Variants in FOXN3 observed in about 807,000 individuals in gnomAD.
The protein encoded by FOXN3 is forkhead box protein N3.
In FOXN3, 7 loss-of-function variants were observed where a neutral mutation model predicts 38.4. That is an observed-to-expected ratio of 0.18 (90% CI 0.10 to 0.34). FOXN3 has a LOEUF of 0.34. Among genes scored for constraint, FOXN3 ranks in the 10% least tolerant of loss-of-function variants. FOXN3 has a pLI of 1.00. For missense variants in FOXN3, 456 were observed against 613.4 expected (o/e 0.74, Z 2.71); for synonymous variants, 230 against 242.2 (o/e 0.95, Z 0.47).
At chr14:89,571,083 T>C (rs778467755) in intron 1 of FOXN3, among the ~76,000 whole-genome samples, 4 of 152,186 alleles carry the variant, frequency 2.6e-5, no homozygotes, top group Admixed American at 6.5e-5. Flanking sequence ...CAAACTTTTG[T>C]TCAAAACCTA....
At chr14:89,256,349 G>C (rs1449776847) in intron 4 of FOXN3, among the ~76,000 whole-genome samples, 1 of 152,188 alleles carries the variant, frequency 6.6e-6, no homozygotes, top group African/African-American at 2.4e-5. Flanking sequence ...GTTAGGCTTG[G>C]ACAGATGATT....
chr14:89,326,522 G>A (rs895978224), intron 3 of FOXN3, among the ~76,000 whole-genome samples: 3 of 152,136 alleles, frequency 2.0e-5, no homozygotes, highest in Admixed American at 1.3e-4. Flanking sequence ...ACTCACAGGC[G>A]CACTGGACTT....
intron 1 of FOXN3, among the ~76,000 whole-genome samples, chr14:89,415,750 T>C (rs1229063514): frequency 2.0e-5 from 3 of 151,516 alleles, no homozygotes; most frequent in African/African-American, 4.9e-5. Flanking sequence ...ATCATGTGAG[T>C]TGCAGTTAAG....
rs898690627 is a variant in FOXN3 at position 89,491,892 on chromosome 14, G to A, written c.-14-79402C>T. 6.6e-5 allele frequency among the ~76,000 whole-genome samples: 10 copies of A among 152,146 alleles called. No individual in the cohort carries two copies. In the East Asian group the frequency reaches 1.9e-3, roughly 29 times the overall value. The stretch of plus-strand genomic sequence containing the variant: ...CCAAGATTTCACATTCCAATGACGA[G>A]TTCAGCCTAGCGCTTTACATTTAGG... On this transcript the variant is annotated intron_variant, in intron 1 of 6. Transcript: ENST00000345097.
At chr14:89,441,931 T>A (rs1280384009) in intron 1 of FOXN3, among the ~76,000 whole-genome samples, 6 of 149,178 alleles carry the variant, frequency 4.0e-5, no homozygotes, top group Admixed American at 1.3e-4. Flanking sequence ...ACTTTTTTTT[T>A]TTTTTTTTTT....
chr14:89,613,077 A>G lies in FOXN3; in HGVS notation c.-15+5951T>C, dbSNP rs1896424120. ...GGTTGCAGTCAGCCGAGATCGCGCC[A>G]TTGCAGTCCTGCCTGGGCGACAGAG... On this transcript the variant is annotated intron_variant, in intron 1 of 6. Transcript: ENST00000345097. Among the ~76,000 whole-genome samples the G allele has an allele frequency of 1.5e-5, 2 of 130,434 alleles. 1 individual carries two copies. The highest frequency in any genetic ancestry group is 4.8e-4 in the East Asian group (2 of 4,152). The allele number at this position is 130,434 out of a possible 152,430, so 85.6% of individuals were successfully genotyped here.
chr14:89,411,938 C>A lies in FOXN3; in HGVS notation c.539G>T (p.Ser180Ile). The A allele has an allele frequency of 1.4e-6, 2 of 1,466,710 alleles. No homozygotes were observed. The highest frequency in any genetic ancestry group is 1.5e-5 in the South Asian group (1 of 64,886). 90.9% of individuals were successfully genotyped at this position (1,466,710 alleles called of 1,614,324 possible). A position where few individuals can be genotyped will look rare whatever the true frequency, so the allele number is the denominator to read the frequency against. The part of the protein sequence containing the change: ...KCFKKVDKER[S>I]QSIGKGSLWC... Reference sequence around the variant, plus strand: ...GTTCCAGACACAGAGGCTTACCTGACTCCTCTCTTTGTCCACTTTCTTAAA... The same window carrying A: ...GTTCCAGACACAGAGGCTTACCTGAATCCTCTCTTTGTCCACTTTCTTAAA... The change falls in exon 2 of 6, where the codon AGT becomes ATT. Residue 180 changes from serine to isoleucine, a missense_variant. Ser to Ile is a moderately radical substitution (Grantham distance 142). Transcript: ENST00000557258.
At chr14:89,387,630 T>G (rs1320683900) in intron 2 of FOXN3, among the ~76,000 whole-genome samples, 3 of 152,144 alleles carry the variant, frequency 2.0e-5, no homozygotes, top group Non-Finnish European at 2.9e-5. Flanking sequence ...TATTATAAAC[T>G]ACATAGACAG....
intron 4 of FOXN3, among the ~76,000 whole-genome samples, chr14:89,213,648 T>C (rs1884171060): frequency 6.6e-6 from 1 of 152,230 alleles, no homozygotes; most frequent in Admixed American, 6.5e-5. Flanking sequence ...CTTAAGTATT[T>C]GTTTTTGGCT....
chr14:89,439,678 C>T (rs1397340958), intron 1 of FOXN3, among the ~76,000 whole-genome samples: 7 of 134,324 alleles, frequency 5.2e-5, no homozygotes, highest in South Asian at 2.3e-4. Context: ...TTTTTTGAGA[C>T]GGAGTCTTGC....
Position 89,436,509 on chromosome 14 carries a change from CA to C in FOXN3, c.-14-24020del, listed in dbSNP as rs570952167. ...CCTTTCCCAGAGTCCCCCAAGTTTC[CA>C]CCCTTGTGGTCTGGGTGGGACTGAC... On this transcript the variant is annotated intron_variant, in intron 1 of 6. Coordinates refer to the FOXN3 transcript ENST00000345097. 4.9e-3 allele frequency among the ~76,000 whole-genome samples: 745 copies of C among 152,226 alleles called. 3 individuals are homozygous for C. The highest frequency in any genetic ancestry group is 7.5e-3 in the Non-Finnish European group (508 of 68,014).
intron 1 of FOXN3, among the ~76,000 whole-genome samples, chr14:89,478,653 T>C (rs1224508019): frequency 6.6e-6 from 1 of 152,006 alleles, no homozygotes; most frequent in Non-Finnish European, 1.5e-5. Context: ...CAACACCGAC[T>C]GAGCACAGTG....
intron 4 of FOXN3, among the ~76,000 whole-genome samples, chr14:89,191,331 G>C (rs1034259736): frequency 6.6e-6 from 1 of 152,206 alleles, no homozygotes; most frequent in Non-Finnish European, 1.5e-5. Context: ...CCAGCGCAGC[G>C]TCCCAGCTGC....
At position 89,197,399 on chromosome 14, in the gene FOXN3, C is replaced by T. The variant is rs549571169; in HGVS notation, c.746-16593G>A. ...GTGCACACCTGTAGTCCCAGCCACT[C>T]GGGAGGCTGGGGCATAAGAATTGCT... On this transcript the variant is annotated intron_variant, in intron 4 of 5. Transcript: ENST00000557258. 8.2e-4 allele frequency among the ~76,000 whole-genome samples: 125 copies of T among 151,666 alleles called. 1 individual carries two copies. Among genetic ancestry groups the T allele is most frequent in the Non-Finnish European group, 9.3e-4 (63 of 67,950 alleles).
At chr14:89,212,656 G>A (rs937328656) in intron 4 of FOXN3, among the ~76,000 whole-genome samples, 2 of 152,172 alleles carry the variant, frequency 1.3e-5, no homozygotes, top group African/African-American at 4.8e-5. Context: ...GCTGGCCTGG[G>A]TCCCCCTCCT....
intron 4 of FOXN3, among the ~76,000 whole-genome samples, chr14:89,199,333 C>T (rs893633088): frequency 6.6e-6 from 1 of 152,294 alleles, no homozygotes; most frequent in Middle Eastern, 3.4e-3. Flanking sequence ...TTTTAGGGAA[C>T]AAAAATCTCC....
chr14:89,544,397 G>A (rs1313770042), intron 1 of FOXN3, among the ~76,000 whole-genome samples: 1 of 151,846 alleles, frequency 6.6e-6, no homozygotes, highest in African/African-American at 2.4e-5. Flanking sequence ...GTAATAGCGT[G>A]ATCACAGGTC....
Position 89,175,276 on chromosome 14 carries a change from G to C in FOXN3, c.851+5425C>G, listed in dbSNP as rs74579498. Among the ~76,000 whole-genome samples the C allele has an allele frequency of 3.0e-3, 456 of 152,324 alleles. 1 individual carries two copies. Among genetic ancestry groups the C allele is most frequent in the African/African-American group, 0.011 (437 of 41,572 alleles). ...AAGCAGCCTTAGACGGTGATTGGAT[G>C]AAACTCTCATATAATTTGGCAACAA... On this transcript the variant is annotated intron_variant, in intron 5 of 5. Transcript: ENST00000557258.
chr14:89,497,550 G>A (rs992706256), intron 1 of FOXN3, among the ~76,000 whole-genome samples: 1 of 151,848 alleles, frequency 6.6e-6, no homozygotes, highest in South Asian at 2.1e-4. Flanking sequence ...AGGATTACAG[G>A]CATGCACCAC....
Sources: allele counts gnomAD v4.1 joint callset (sites outside exome capture counted in the v4.1 genomes callset), GRCh38; gene constraint gnomAD v4.1.1; transcripts MANE v1.5; gene names NCBI Gene and HGNC (gene_info 2026-07-23, HGNC 2026-07-21).